The following KCNN2 variants were observed in gnomAD, a reference collection of about 807,000 sequenced individuals.
KCNN2 encodes the protein potassium calcium-activated channel subfamily N member 2, also known as small conductance calcium-activated potassium channel protein 2.
A neutral mutation model predicts 55.5 loss-of-function variants in KCNN2; 24 were observed. The ratio of observed to expected loss-of-function variants is 0.43; its 90% CI spans 0.31 to 0.61. The LOEUF is 0.61. KCNN2 is among the 20% of genes least tolerant of loss of function. The pLI, the probability that KCNN2 is intolerant of heterozygous loss-of-function variation, is 0.08. For synonymous variants in KCNN2, 431 were observed against 336.1 expected, an observed-to-expected ratio of 1.28 and a Z score of -3.09; for missense variants, 754 against 853.6, an observed-to-expected ratio of 0.88 and a Z score of 1.45.
At chr5:114,219,740 C>A (rs1449624789) in intron 1 of KCNN2, among the ~76,000 whole-genome samples, 1 of 152,068 alleles carries the variant, frequency 6.6e-6, no homozygotes, top group African/African-American at 2.4e-5. Context: ...TGGGGTTTTG[C>A]CAGGGATCTG....
intron 1 of KCNN2, among the ~76,000 whole-genome samples, chr5:114,177,200 C>T (rs1372979352): frequency 6.7e-6 from 1 of 149,980 alleles, no homozygotes; most frequent in Admixed American, 6.6e-5. Flanking sequence ...TGCAGTGGCG[C>T]GATCTCGGCT....
intron 1 of KCNN2, among the ~76,000 whole-genome samples, chr5:114,095,836 A>G (rs115469997): frequency 0.011 from 1,587 of 147,774 alleles, 36 homozygotes; most frequent in African/African-American, 0.038. Flanking sequence ...ATTGGACTCC[A>G]TATATGCACC....
intron 5 of KCNN2, among the ~76,000 whole-genome samples, chr5:114,475,101 G>C (rs745817475): frequency 3.3e-5 from 5 of 151,992 alleles, no homozygotes; most frequent in Non-Finnish European, 7.4e-5. Context: ...AAAAGACAAA[G>C]ACTTTGAGTA....
At chr5:114,340,472 T>C (rs764958491) in intron 2 of KCNN2, among the ~76,000 whole-genome samples, 4 of 152,172 alleles carry the variant, frequency 2.6e-5, no homozygotes, top group Admixed American at 2.6e-4. Context: ...TTTGGTTAAT[T>C]TACTTTTTCA....
intron 1 of KCNN2, among the ~76,000 whole-genome samples, chr5:114,141,012 C>A (rs953496676): frequency 6.6e-6 from 1 of 152,012 alleles, no homozygotes; most frequent in African/African-American, 2.4e-5. Context: ...TGGTCTCGAA[C>A]TCTTGACCTA....
intron 1 of KCNN2, among the ~76,000 whole-genome samples, chr5:114,120,429 C>T (rs1751804595): frequency 6.6e-6 from 1 of 152,130 alleles, no homozygotes; most frequent in African/African-American, 2.4e-5. Flanking sequence ...CCTGGTTTGT[C>T]ATGTTTGTAA....
At chr5:114,435,000 C>G (rs1035887859) in intron 3 of KCNN2, among the ~76,000 whole-genome samples, 2 of 152,202 alleles carry the variant, frequency 1.3e-5, no homozygotes, top group African/African-American at 4.8e-5. Flanking sequence ...TTTCCATTTT[C>G]TCTGCTGGAA....
At chr5:114,121,421 C>T (rs975502459) in intron 1 of KCNN2, among the ~76,000 whole-genome samples, 1 of 152,136 alleles carries the variant, frequency 6.6e-6, no homozygotes, top group African/African-American at 2.4e-5. Flanking sequence ...GCTCAGGGCC[C>T]TGCAGTACCC....
At chr5:114,411,897 A>G (rs1388791773) in intron 3 of KCNN2, among the ~76,000 whole-genome samples, 1 of 152,210 alleles carries the variant, frequency 6.6e-6, no homozygotes. Flanking sequence ...AAAATTAACC[A>G]TCACATATGG....
At chr5:114,424,561 T>C (rs1759563598) in intron 3 of KCNN2, among the ~76,000 whole-genome samples, 1 of 152,212 alleles carries the variant, frequency 6.6e-6, no homozygotes, top group Non-Finnish European at 1.5e-5. Flanking sequence ...ATCTGAGTAA[T>C]ATAAATGCTG....
At chr5:114,220,254 G>T (rs1754105247) in intron 1 of KCNN2, among the ~76,000 whole-genome samples, 1 of 152,058 alleles carries the variant, frequency 6.6e-6, no homozygotes, top group Non-Finnish European at 1.5e-5. Context: ...AAATGGTATT[G>T]CCAATTGATA....
chr5:114,103,098 C>T (rs1751406422), intron 1 of KCNN2, among the ~76,000 whole-genome samples: 1 of 152,060 alleles, frequency 6.6e-6, no homozygotes, highest in South Asian at 2.1e-4. Flanking sequence ...TTGTTTGTGT[C>T]CTCTCTTATT....
exon 1 of KCNN2, chr5:114,056,208 C>T: frequency 2.5e-6 from 1 of 395,010 alleles, no homozygotes. Context: ...GGCTCGCCCG[C>T]GCCCGCGCCC....
intron 2 of KCNN2, among the ~76,000 whole-genome samples, chr5:114,328,474 G>T (rs1756750807): frequency 6.6e-6 from 1 of 152,116 alleles, no homozygotes; most frequent in African/African-American, 2.4e-5. Context: ...TGCTAAATGT[G>T]CAGGAAAGCT....
At chr5:114,288,195 A>C (rs1359862809) in intron 2 of KCNN2, among the ~76,000 whole-genome samples, 7 of 152,174 alleles carry the variant, frequency 4.6e-5, no homozygotes. Flanking sequence ...CTTTTTATGG[A>C]GTGAATAACA....
chr5:114,153,361 C>G (rs180739350), intron 1 of KCNN2, among the ~76,000 whole-genome samples: 4 of 152,156 alleles, frequency 2.6e-5, no homozygotes, highest in Admixed American at 2.0e-4. Flanking sequence ...TTTTCCTGCC[C>G]TCTGACTTCA....
At chr5:114,386,956 T>G (rs560750746) in intron 2 of KCNN2, among the ~76,000 whole-genome samples, 5 of 152,210 alleles carry the variant, frequency 3.3e-5, no homozygotes, top group Non-Finnish European at 7.3e-5. Context: ...GATGCTGTAC[T>G]TTTGTGTTAG....
chr5:114,238,442 A>G (rs1754551741), intron 2 of KCNN2, among the ~76,000 whole-genome samples: 1 of 152,082 alleles, frequency 6.6e-6, no homozygotes, highest in Non-Finnish European at 1.5e-5. Flanking sequence ...CCTGGCCAAC[A>G]TGGTGAAACC....
At chr5:114,483,096 A>G (rs535751824) in intron 5 of KCNN2, among the ~76,000 whole-genome samples, 70 of 152,138 alleles carry the variant, frequency 4.6e-4, no homozygotes, top group Non-Finnish European at 8.5e-4. Context: ...GTGATCTGTA[A>G]AGTACTATTA....
Sources: allele counts gnomAD v4.1 joint callset (sites outside exome capture counted in the v4.1 genomes callset), GRCh38; gene constraint gnomAD v4.1.1; transcripts MANE v1.5; gene names NCBI Gene and HGNC (gene_info 2026-07-23, HGNC 2026-07-21).